Variants in MYO5B observed in about 807,000 individuals in gnomAD.
MYO5B encodes the protein unconventional myosin-Vb.
MYO5B carries 143 observed loss-of-function variants against 229.3 expected under a neutral mutation model. The ratio of observed to expected loss-of-function variants is 0.62; its 90% CI spans 0.54 to 0.72. The LOEUF (loss-of-function observed/expected upper bound fraction) is 0.72, where lower values mean the gene tolerates loss of function less well. Ranked by LOEUF, MYO5B falls within the 30% of genes least tolerant of loss-of-function variation. MYO5B has a pLI of 0.00. For synonymous variants in MYO5B, 918 were observed against 885.2 expected, an observed-to-expected ratio of 1.04 and a Z score of -0.66; for missense variants, 2,321 against 2,331.0, an observed-to-expected ratio of 1.00 and a Z score of 0.09.
At chr18:50,056,177 G>T (rs1568089127) in intron 1 of MYO5B, among the ~76,000 whole-genome samples, 1 of 152,202 alleles carries the variant, frequency 6.6e-6, no homozygotes, top group Non-Finnish European at 1.5e-5. Context: ...CCAAGTTCTG[G>T]CAGGAAAGAA....
intron 35 of MYO5B, 127 bp from the exon 36 acceptor site, chr18:49,839,421 G>T (rs1419507099): frequency 9.7e-7 from 1 of 1,029,732 alleles, no homozygotes; most frequent in Non-Finnish European, 1.5e-6. Flanking sequence ...TCCCTATGTA[G>T]ATGATGTTTT....
intron 1 of MYO5B, among the ~76,000 whole-genome samples, chr18:50,087,678 T>C (rs2031360891): frequency 6.6e-6 from 1 of 151,820 alleles, no homozygotes; most frequent in East Asian, 1.9e-4. Context: ...AGTAAAAACC[T>C]CTAAATAAAC....
chr18:49,969,832 T>TC (rs1273644605), intron 10 of MYO5B: 1 of 152,114 alleles, frequency 6.6e-6, no homozygotes, highest in Non-Finnish European at 1.5e-5. Flanking sequence ...GGTCAAAACT[T>TC]CCCCACCTTC....
rs1363779626 is a variant in MYO5B at position 49,843,221 on chromosome 18, C to G, written c.4611+20G>C. 1 of 1,613,176 alleles carries G rather than the reference C, an allele frequency of 6.2e-7. No individual in the cohort carries two copies. Among genetic ancestry groups the G allele is most frequent in the Non-Finnish European group, 8.5e-7 (1 of 1,180,000 alleles). Reference sequence around the variant, plus strand: ...CACTCTACCCACCACAAACCATGACCTTCTGCAGGGGCTGCTTACTTTCAG... The same window carrying G: ...CACTCTACCCACCACAAACCATGACGTTCTGCAGGGGCTGCTTACTTTCAG... On this transcript the variant is annotated intron_variant, in intron 34 of 39. Transcript: ENST00000285039.
chr18:49,938,513 A>G (rs2025275968), intron 14 of MYO5B, among the ~76,000 whole-genome samples: 1 of 152,128 alleles, frequency 6.6e-6, no homozygotes, highest in Non-Finnish European at 1.5e-5. Flanking sequence ...TTCCAATCTC[A>G]ACAGAAGAGA....
rs1191153249 is a variant in MYO5B at position 50,174,976 on chromosome 18, A to G, written c.27+19791T>C. 2.0e-5 allele frequency among the ~76,000 whole-genome samples: 3 copies of G among 152,212 alleles called. No homozygotes were observed. The East Asian group carries it at 5.8e-4, about 29-fold the overall frequency. On this transcript the variant is annotated intron_variant, in intron 1 of 39. Transcript: ENST00000285039. ...TGGAGGAGTCTGAGGGCAGCCAGCC[A>G]GGCCACTGGCACATCTTGGATCTGT...
intron 24 of MYO5B, 61 bp downstream of exon 24, chr18:49,878,884 G>T: frequency 6.3e-7 from 1 of 1,595,594 alleles, no homozygotes; most frequent in Non-Finnish European, 8.6e-7. Flanking sequence ...AGATCACGTG[G>T]TCAGAAGCTG....
intron 1 of MYO5B, among the ~76,000 whole-genome samples, chr18:50,108,863 T>C (rs1015672344): frequency 3.3e-5 from 5 of 152,232 alleles, no homozygotes; most frequent in African/African-American, 1.2e-4. Context: ...CTATATGTGC[T>C]GCTTCCATTA....
At chr18:50,028,652 A>G (rs2026356872) in intron 4 of MYO5B, among the ~76,000 whole-genome samples, 1 of 152,226 alleles carries the variant, frequency 6.6e-6, no homozygotes, top group African/African-American at 2.4e-5. Flanking sequence ...AACTCCTGAC[A>G]ATGAAAGCTG....
rs758615129 is a variant in MYO5B at position 49,877,841 on chromosome 18, G to A, written c.3318C>T (p.Ser1106=). ...GHRRNPSNQS[S]LESDSNYPSI... ...AGGGGTAATTGGAGTCAGATTCTAA[G>A]CTACTTTGGTTTGATGGGTTCCGCC... is the stretch of plus-strand genomic sequence containing the variant. The change falls in exon 25 of 40, where the codon AGC becomes AGT. Residue 1106 remains serine (S), a synonymous_variant. Transcript: ENST00000285039. 2 of 1,614,184 alleles carry A rather than the reference G, an allele frequency of 1.2e-6. No homozygotes were observed. Among genetic ancestry groups the A allele is most frequent in the South Asian group, 1.1e-5 (1 of 91,084 alleles).
At chr18:50,166,424 T>C (rs2032853006) in intron 1 of MYO5B, among the ~76,000 whole-genome samples, 1 of 152,224 alleles carries the variant, frequency 6.6e-6, no homozygotes, top group African/African-American at 2.4e-5. Flanking sequence ...TTGCTAACTC[T>C]TCTGTTTAAA....
intron 1 of MYO5B, among the ~76,000 whole-genome samples, chr18:50,078,078 C>T (rs559133643): frequency 6.6e-6 from 1 of 152,286 alleles, no homozygotes; most frequent in East Asian, 1.9e-4. Flanking sequence ...CTAGGGAAAG[C>T]GGGAATATTC....
intron 4 of MYO5B, among the ~76,000 whole-genome samples, chr18:50,013,495 C>T (rs2026183792): frequency 6.6e-6 from 1 of 152,178 alleles, no homozygotes; most frequent in Non-Finnish European, 1.5e-5. Flanking sequence ...CAGCCTCAGG[C>T]CAAAAACAGC....
In MYO5B at chr18:49,974,385, C is replaced by T. The variant is rs776027486; in HGVS notation, c.1287G>A (p.Lys429=). The T allele has an allele frequency of 1.7e-5, 27 of 1,614,058 alleles. No homozygotes were observed. Among genetic ancestry groups the T allele is most frequent in the Non-Finnish European group, 2.3e-5 (27 of 1,180,026 alleles). Residue 429 remains lysine (K), a synonymous_variant, in exon 10 of 40, where the codon AAG becomes AAA. Transcript: ENST00000285039. ...HINKALHTSL[K]QHSFIGVLDI... ...CCAGGACCCCGATGAAGGAGTGCTG[C>T]TTGAGGGAGGTGTGCAGGGCCTTGT...
intron 39 of MYO5B, among the ~76,000 whole-genome samples, chr18:49,831,621 A>G (rs2023923435): frequency 6.6e-6 from 1 of 152,200 alleles, no homozygotes; most frequent in African/African-American, 2.4e-5. Flanking sequence ...AGTGTTGGTG[A>G]GGATGTGGGG....
At chr18:50,037,810 T>C (rs1013760068) in intron 3 of MYO5B, among the ~76,000 whole-genome samples, 7 of 152,082 alleles carry the variant, frequency 4.6e-5, no homozygotes, top group Non-Finnish European at 8.8e-5. Context: ...GAGGAATGCT[T>C]GAGCCCAAGA....
At chr18:50,018,707 A>G (rs1355460449) in intron 4 of MYO5B, among the ~76,000 whole-genome samples, 1 of 152,200 alleles carries the variant, frequency 6.6e-6, no homozygotes, top group Non-Finnish European at 1.5e-5. Flanking sequence ...TAGCTCTGGC[A>G]TCCAGGCTCT....
At chr18:49,890,253 C>A in intron 22 of MYO5B, among the ~76,000 whole-genome samples, 1 of 152,246 alleles carries the variant, frequency 6.6e-6, no homozygotes, top group East Asian at 1.9e-4. Flanking sequence ...GGTGTCAGGG[C>A]TGCAGGGTGC....
chr18:49,954,359 G>A lies in MYO5B; in HGVS notation c.1622C>T (p.Pro541Leu), dbSNP rs1244002655. The A allele has an allele frequency of 1.9e-6, 3 of 1,614,016 alleles. No individual in the cohort carries two copies. The highest frequency in any genetic ancestry group is 4.5e-5 in the East Asian group (2 of 44,850). Residue 541 changes from proline to leucine, a missense_variant, in exon 13 of 40, where the codon CCC becomes CTC. Transcript: ENST00000285039. The part of the protein sequence containing the change: ...RHSSSQHFQK[P>L]RMSNTAFIIV... ...GATGAAGGCCGTGTTGGACATGCGGGGCTTCTGGAAGTGCTGGCTGCTGGA... is the reference window on the plus strand; with the variant it reads ...GATGAAGGCCGTGTTGGACATGCGGAGCTTCTGGAAGTGCTGGCTGCTGGA...
Sources: allele counts gnomAD v4.1 joint callset (sites outside exome capture counted in the v4.1 genomes callset), GRCh38; gene constraint gnomAD v4.1.1; transcripts MANE v1.5; gene names NCBI Gene and HGNC (gene_info 2026-07-23, HGNC 2026-07-21).